TENM3: variants seen among roughly 807,000 people sequenced by gnomAD.
TENM3 encodes the protein teneurin transmembrane protein 3, also known as teneurin-3.
A neutral mutation model predicts 255.1 loss-of-function variants in TENM3; 63 were observed. The ratio of observed to expected loss-of-function variants is 0.25; its 90% CI spans 0.20 to 0.30. The LOEUF is 0.30. Among genes scored for constraint, TENM3 ranks in the 10% least tolerant of loss-of-function variants. The pLI, the probability that TENM3 is intolerant of heterozygous loss-of-function variation, is 1.00. For missense variants in TENM3, 2,929 were observed against 3,461.1 expected (o/e 0.85, Z 3.86); for synonymous variants, 1,306 against 1,322.3 (o/e 0.99, Z 0.27).
chr4:181,476,051 G>C, the TENM3 span, among the ~76,000 whole-genome samples: 1 of 152,156 alleles, frequency 6.6e-6, no homozygotes, highest in East Asian at 1.9e-4. Context: ...CCAAGGTTGA[G>C]AACTGTCATA....
intron 3 of TENM3, among the ~76,000 whole-genome samples, chr4:182,448,555 T>C (rs1400339990): frequency 1.3e-5 from 2 of 152,160 alleles, no homozygotes; most frequent in Admixed American, 1.3e-4. Context: ...AGAGAGATGC[T>C]TTTGTGAGCA....
At chr4:182,213,500 A>T (rs1239948101) in intron 1 of TENM3, among the ~76,000 whole-genome samples, 1 of 152,146 alleles carries the variant, frequency 6.6e-6, no homozygotes, top group African/African-American at 2.4e-5. Context: ...TTCATAACAA[A>T]TGTGGTTGTT....
At chr4:182,622,710 T>A (rs1292242501) in intron 4 of TENM3, among the ~76,000 whole-genome samples, 3 of 152,228 alleles carry the variant, frequency 2.0e-5, no homozygotes, top group African/African-American at 7.2e-5. Context: ...TAGCTGTGGC[T>A]TCTTGGCCAA....
chr4:181,902,846 A>C, the TENM3 span, among the ~76,000 whole-genome samples: 1 of 152,214 alleles, frequency 6.6e-6, no homozygotes, highest in East Asian at 1.9e-4. Context: ...TTAGATATTC[A>C]AAGCATGTGC....
chr4:182,484,962 A>G (rs1734557050), intron 3 of TENM3, among the ~76,000 whole-genome samples: 1 of 152,148 alleles, frequency 6.6e-6, no homozygotes, highest in Admixed American at 6.5e-5. Context: ...ACATTTTATG[A>G]TGTTTCATTT....
the TENM3 span, among the ~76,000 whole-genome samples, chr4:181,546,261 C>T: frequency 6.6e-6 from 1 of 152,174 alleles, no homozygotes; most frequent in Non-Finnish European, 1.5e-5. Flanking sequence ...TTTCCTTCTT[C>T]ATGGCCATTG....
chr4:181,821,687 G>C, the TENM3 span: 1 of 152,156 alleles, frequency 6.6e-6, no homozygotes, highest in Non-Finnish European at 1.5e-5. Context: ...GCAATGAGAA[G>C]TCACTTTAAT....
chr4:182,055,126 C>T, the TENM3 span, among the ~76,000 whole-genome samples: 4 of 152,098 alleles, frequency 2.6e-5, no homozygotes, highest in Non-Finnish European at 4.4e-5. Context: ...GCGGGCAGAT[C>T]GCTTGAGCCC....
rs1054185119 is a variant in TENM3, at chr4:182,310,179, A to G, written c.-75-13767A>G. ...TTCAGTTGAAATATCCAGGGTAAGA[A>G]CTTGTTATTTCAGAAGCATATTTCT... On this transcript the variant is annotated intron_variant, in intron 1 of 27. Coordinates refer to ENST00000511685, the MANE Select transcript of TENM3 (RefSeq NM_001080477.4). 2.2e-5 allele frequency among the ~76,000 whole-genome samples: 3 copies of G among 138,010 alleles called. No individual in the cohort carries two copies. The Admixed American group carries it at 2.2e-4, about 10-fold the overall frequency. 90.5% of individuals were successfully genotyped at this position (138,010 alleles called of 152,430 possible). A position where few individuals can be genotyped will look rare whatever the true frequency, so the allele number is the denominator to read the frequency against.
chr4:182,711,557 C>G (rs1370689704), intron 12 of TENM3: 2 of 980,438 alleles, frequency 2.0e-6, no homozygotes, highest in South Asian at 4.7e-5. Flanking sequence ...GTTCTTTTTT[C>G]CTTTTTAATT....
At chr4:182,200,723 T>A (rs921404534) in intron 1 of TENM3, among the ~76,000 whole-genome samples, 1 of 152,110 alleles carries the variant, frequency 6.6e-6, no homozygotes, top group African/African-American at 2.4e-5. Context: ...AACTGTTCCT[T>A]TCAGTATCCT....
the TENM3 span, among the ~76,000 whole-genome samples, chr4:181,932,475 C>T: frequency 2.5e-3 from 383 of 152,248 alleles, 3 homozygotes; most frequent in Non-Finnish European, 3.7e-3. Flanking sequence ...TACCATCTCA[C>T]GCCAGTTAGA....
At chr4:182,776,257 C>G (rs1261347090) in intron 24 of TENM3, among the ~76,000 whole-genome samples, 2 of 152,084 alleles carry the variant, frequency 1.3e-5, no homozygotes, top group African/African-American at 4.8e-5. Flanking sequence ...ACTAAAAATA[C>G]AAAAATCAGC....
the TENM3 span, among the ~76,000 whole-genome samples, chr4:182,035,970 C>A: frequency 6.6e-6 from 1 of 152,196 alleles, no homozygotes; most frequent in Admixed American, 6.5e-5. Context: ...ACTCACCATT[C>A]TCCCTTCTAT....
At chr4:182,740,388 A>C (rs933420870) in intron 18 of TENM3, among the ~76,000 whole-genome samples, 5 of 152,226 alleles carry the variant, frequency 3.3e-5, no homozygotes, top group Non-Finnish European at 7.3e-5. Context: ...TTAGTAGCAC[A>C]AGGTTCAATC....
At chr4:182,015,046 T>C in the TENM3 span, among the ~76,000 whole-genome samples, 6 of 152,212 alleles carry the variant, frequency 3.9e-5, no homozygotes, top group African/African-American at 1.4e-4. Context: ...CATTTACATA[T>C]GCATTTCCTT....
intron 1 of TENM3, among the ~76,000 whole-genome samples, chr4:182,200,888 G>A (rs540584736): frequency 1.0e-3 from 150 of 147,136 alleles, no homozygotes; most frequent in African/African-American, 3.5e-3. Context: ...GCAATGGCGC[G>A]ATCTCGGCTC....
At chr4:181,918,230 T>C in the TENM3 span, among the ~76,000 whole-genome samples, 3 of 152,182 alleles carry the variant, frequency 2.0e-5, no homozygotes, top group Admixed American at 1.3e-4. Flanking sequence ...TTAATAAAAT[T>C]TGCATATTCA....
At chr4:182,715,689 T>C (rs914157510) in intron 13 of TENM3, among the ~76,000 whole-genome samples, 1 of 152,122 alleles carries the variant, frequency 6.6e-6, no homozygotes, top group East Asian at 1.9e-4. Context: ...CCTCAACTAC[T>C]ATTCTGTAGG....
Sources: allele counts gnomAD v4.1 joint callset (sites outside exome capture counted in the v4.1 genomes callset), GRCh38; gene constraint gnomAD v4.1.1; transcripts MANE v1.5; gene names NCBI Gene and HGNC (gene_info 2026-07-23, HGNC 2026-07-21).